Variants in COL4A5 observed in about 807,000 individuals in gnomAD.
The protein encoded by COL4A5 is collagen alpha-5(IV) chain.
In COL4A5, 26 loss-of-function variants were observed where a neutral mutation model predicts 130.2. The ratio of observed to expected loss-of-function variants is 0.20; its 90% confidence interval spans 0.15 to 0.28. The LOEUF is 0.28. Ranked by LOEUF, COL4A5 falls within the 10% of genes least tolerant of loss-of-function variation. The pLI is 1.00. For synonymous variants in COL4A5, 496 were observed against 439.6 expected, an observed-to-expected ratio of 1.13 and a Z score of -1.60; for missense variants, 1,131 against 1,344.3, an observed-to-expected ratio of 0.84 and a Z score of 2.48.
At chrX:108,672,606 A>G (rs1319513751) in intron 42 of COL4A5, among the ~76,000 whole-genome samples, 1 of 111,940 alleles carries the variant, frequency 8.9e-6, no homozygotes, top group Non-Finnish European at 1.9e-5. Flanking sequence ...TTTGTTACAC[A>G]GTTGAAAAAT....
chrX:108,551,995 G>T (rs2065760082), intron 2 of COL4A5, among the ~76,000 whole-genome samples: 1 of 111,871 alleles, frequency 8.9e-6, no homozygotes, highest in South Asian at 3.7e-4. Flanking sequence ...TAATAAGTGG[G>T]AGCTAAATAT....
intron 1 of COL4A5, among the ~76,000 whole-genome samples, chrX:108,475,411 G>A (rs1185914156): frequency 2.7e-5 from 3 of 111,130 alleles, no homozygotes; most frequent in Non-Finnish European, 3.8e-5. Flanking sequence ...TTCCCTATAT[G>A]CTTGTTATTT....
Position 108,667,172 on chromosome X carries a change from C to T in COL4A5, c.3593C>T (p.Pro1198Leu). 1 of 1,207,204 alleles carries T rather than the reference C, an allele frequency of 8.3e-7. No homozygotes were observed. Residue 1198 changes from proline to leucine, a missense_variant, in exon 40 of 53, where the codon CCA (proline) becomes CTA (leucine). Pro to Leu is a moderately conservative substitution (Grantham distance 98, BLOSUM62 -3). Transcript: ENST00000328300. ...GGAAACCCAGGACCCCCTGGACTTC[C>T]AGGACTTTCTGGTAAACCTTAATAA... ...GFGNPGPPGLPGLSGQKGDGG... is the reference protein window; with the variant it reads ...GFGNPGPPGLLGLSGQKGDGG...
chrX:108,614,742 G>C (rs920798456), intron 29 of COL4A5, among the ~76,000 whole-genome samples, 169 bp from the exon 30 acceptor site: 1 of 111,918 alleles, frequency 8.9e-6, no homozygotes, highest in African/African-American at 3.2e-5. Flanking sequence ...AAATTATAAG[G>C]CTGTAACTAT....
intron 1 of COL4A5, among the ~76,000 whole-genome samples, chrX:108,521,278 G>C (rs995523511): frequency 9.0e-6 from 1 of 110,705 alleles, no homozygotes; most frequent in African/African-American, 3.3e-5. Context: ...TGCGTTGGAG[G>C]AAAATTTTCC....
At chrX:108,601,173 G>A (rs780962438) in intron 25 of COL4A5, among the ~76,000 whole-genome samples, 2 of 111,484 alleles carry the variant, frequency 1.8e-5, no homozygotes, top group Admixed American at 9.5e-5. Flanking sequence ...TTGAATCATG[G>A]AAGTCCTTAA....
intron 1 of COL4A5, among the ~76,000 whole-genome samples, chrX:108,477,091 C>T (rs1270963198): frequency 9.0e-6 from 1 of 111,314 alleles, no homozygotes; most frequent in Admixed American, 9.6e-5. Flanking sequence ...TTAGATTGTG[C>T]CCACCAGATT....
chrX:108,446,031 G>A (rs1045152001), intron 1 of COL4A5, among the ~76,000 whole-genome samples: 4 of 111,369 alleles, frequency 3.6e-5, no homozygotes, highest in African/African-American at 1.3e-4. Flanking sequence ...AGGTTTGGAT[G>A]TGAATCACGA....
chrX:108,524,954 G>A (rs1193363811), intron 1 of COL4A5, among the ~76,000 whole-genome samples: 1 of 111,511 alleles, frequency 9.0e-6, no homozygotes, highest in African/African-American at 3.3e-5. Flanking sequence ...TTGAGAAAAA[G>A]GTATATTCTA....
chrX:108,600,468 C>T (rs2066608334), intron 25 of COL4A5, among the ~76,000 whole-genome samples: 1 of 111,328 alleles, frequency 9.0e-6, no homozygotes, highest in Admixed American at 9.6e-5. Context: ...TTGAACTTTG[C>T]ACATGTAAAA....
At chrX:108,535,359 T>C (rs1405036688) in intron 1 of COL4A5, among the ~76,000 whole-genome samples, 1 of 111,550 alleles carries the variant, frequency 9.0e-6, no homozygotes, top group Non-Finnish European at 1.9e-5. Flanking sequence ...TTTTTTTTCT[T>C]GTATGCTTAA....
intron 1 of COL4A5, among the ~76,000 whole-genome samples, chrX:108,446,562 G>C (rs1224845785): frequency 9.0e-6 from 1 of 111,715 alleles, no homozygotes; most frequent in African/African-American, 3.3e-5. Context: ...CTTTTTTAGT[G>C]GTTACTATGT....
chrX:108,538,755 T>C (rs996625155), intron 1 of COL4A5, among the ~76,000 whole-genome samples: 1 of 112,263 alleles, frequency 8.9e-6, no homozygotes, highest in African/African-American at 3.2e-5. Flanking sequence ...AACACTGAGC[T>C]ATCCATGTAT....
At chrX:108,691,485 A>G (rs2068639008) in intron 49 of COL4A5, among the ~76,000 whole-genome samples, 1 of 110,993 alleles carries the variant, frequency 9.0e-6, no homozygotes, top group Non-Finnish European at 1.9e-5. Context: ...GTTTTTTTGT[A>G]ATAATTATAT....
At chrX:108,610,427 TAAA>T (rs1425319024) in intron 29 of COL4A5, among the ~76,000 whole-genome samples, 3 of 111,617 alleles carry the variant, frequency 2.7e-5, no homozygotes, top group African/African-American at 9.7e-5. Context: ...GATAAGCTCT[TAAA>T]AAAATACCTT....
At chrX:108,482,207 T>C (rs777222807) in intron 1 of COL4A5, among the ~76,000 whole-genome samples, 1 of 111,623 alleles carries the variant, frequency 9.0e-6, no homozygotes, top group Non-Finnish European at 1.9e-5. Flanking sequence ...GCTGTTCTTA[T>C]ATAAATCACA....
chrX:108,687,593 C>T lies in COL4A5; in HGVS notation c.4427C>T (p.Thr1476Ile). 8.3e-7 allele frequency: 1 copy of T among 1,211,302 alleles called. No individual in the cohort carries two copies. The highest frequency in any genetic ancestry group is 1.1e-6 in the Non-Finnish European group (1 of 895,130). The change falls in exon 49 of 53, where the codon ACA (threonine) becomes ATA (isoleucine). Residue 1476 changes from threonine to isoleucine, a missense_variant. Thr to Ile is a moderately conservative substitution (Grantham distance 89). Coordinates refer to ENST00000328300, the MANE Select transcript of COL4A5 (RefSeq NM_033380.3). ...HGFLITRHSQ[T>I]TDAPQCPQGT... is the part of the protein sequence containing the mutation. ...TTTCTTATTACACGCCACAGCCAGA[C>T]AACGGATGCACCACAATGCCCACAG...
At chrX:108,668,179 G>A (rs2068123534) in intron 40 of COL4A5, 140 bp from the exon 41 acceptor site, 1 of 535,477 alleles carries the variant, frequency 1.9e-6, no homozygotes, top group African/African-American at 2.3e-5. Context: ...TGGTTTTCTG[G>A]GTAGATTTGG....
At chrX:108,535,574 G>T (rs2065444683) in intron 1 of COL4A5, among the ~76,000 whole-genome samples, 1 of 110,183 alleles carries the variant, frequency 9.1e-6, no homozygotes, top group Admixed American at 9.7e-5. Context: ...TTTTTTAAGG[G>T]TTTTTTTTCC....
Sources: gnomAD v4.1 joint callset for allele counts (sites outside exome capture counted in the v4.1 genomes callset) on GRCh38, gnomAD v4.1.1 for gene constraint, MANE v1.5 for transcripts, NCBI Gene and HGNC (gene_info 2026-07-23, HGNC 2026-07-21) for gene names.